Variants in TOPAZ1 observed in about 807,000 individuals in gnomAD.
The protein encoded by TOPAZ1 is testis and ovary specific TOPAZ 1.
TOPAZ1 carries 66 observed loss-of-function variants against 172.2 expected under a neutral mutation model. The observed-to-expected ratio is 0.38, with a 90% CI of 0.31 to 0.47. The LOEUF (loss-of-function observed/expected upper bound fraction) is 0.47, where lower values mean the gene tolerates loss of function less well. Among genes scored for constraint, TOPAZ1 ranks in the 20% least tolerant of loss-of-function variants. TOPAZ1 has a pLI of 0.99. For synonymous variants in TOPAZ1, 681 were observed against 683.9 expected (o/e 1.00, Z 0.07); for missense variants, 1,822 against 1,972.4 (o/e 0.92, Z 1.44).
At chr3:44,316,205 C>T (rs994037785) in intron 16 of TOPAZ1, among the ~76,000 whole-genome samples, 44 of 151,970 alleles carry the variant, frequency 2.9e-4, no homozygotes, top group African/African-American at 9.4e-4. Flanking sequence ...GTGATCATGC[C>T]ACTTCACTCC....
At position 44,287,517 on chromosome 3, in the gene TOPAZ1, C is replaced by T; in HGVS notation, c.3565C>T (p.Leu1189Phe). The T allele has an allele frequency of 6.6e-7, 1 of 1,512,214 alleles. No homozygotes were observed. The highest frequency in any genetic ancestry group is 8.8e-7 in the Non-Finnish European group (1 of 1,130,820). 93.7% of individuals were successfully genotyped at this position (1,512,214 alleles called of 1,614,324 possible). ...LLKEVFQIVN[L>F]SIMVKMLPSL... ...GAAAGAAGTATTTCAGATAGTGAAC[C>T]TCAGCATAATGGTTAAAATGCTGGT... is the stretch of plus-strand genomic sequence containing the variant. Residue 1189 changes from leucine (L) to phenylalanine (F), a missense_variant, in exon 10 of 20, where the codon CTC (leucine) becomes TTC (phenylalanine). By Grantham distance (22) the Leu-to-Phe change is conservative. Around this residue, in one of 2 missense-constraint regions of TOPAZ1, gnomAD observed 1,489 missense variants for 1,490.8 expected, o/e 1.00. Transcript: ENST00000309765.
At chr3:44,247,461 A>AT (rs1699579242) in intron 2 of TOPAZ1, among the ~76,000 whole-genome samples, 1 of 152,204 alleles carries the variant, frequency 6.6e-6, no homozygotes, top group Non-Finnish European at 1.5e-5. Context: ...AGATGAACAT[A>AT]TTTCTACACA....
chr3:44,309,048 A>T (rs1700367666), intron 15 of TOPAZ1, among the ~76,000 whole-genome samples: 1 of 152,230 alleles, frequency 6.6e-6, no homozygotes, highest in South Asian at 2.1e-4. Context: ...AATTTAAAAA[A>T]CAACAATCAA....
chr3:44,258,519 G>C (rs1171361537), intron 4 of TOPAZ1, among the ~76,000 whole-genome samples: 3 of 151,502 alleles, frequency 2.0e-5, no homozygotes, highest in Non-Finnish European at 4.4e-5. Context: ...CTATAATTCA[G>C]TCATTTCAAG....
At chr3:44,290,416 A>G (rs1479767888) in intron 11 of TOPAZ1, among the ~76,000 whole-genome samples, 5 of 152,150 alleles carry the variant, frequency 3.3e-5, no homozygotes, top group East Asian at 3.8e-4. Flanking sequence ...CCATGGCCCT[A>G]TGTGAGGCAC....
rs1336686178 is a variant in TOPAZ1, at chr3:44,262,364, A to G, written c.2956-55A>G. The G allele has an allele frequency of 2.1e-5, 18 of 864,448 alleles. No homozygotes were observed. The East Asian group carries it at 4.3e-4, about 21-fold the overall frequency. The allele number at this position is 864,448 out of a possible 1,614,324, so 53.5% of individuals were successfully genotyped here. A position where few individuals can be genotyped will look rare whatever the true frequency, so the allele number is the denominator to read the frequency against. ...ATAAATCCAGTAAGCCTCATAGCTT[A>G]GTATGTAATACAGAGACCTTCACTT... On this transcript the variant is annotated intron_variant, in intron 4 of 19. Coordinates refer to ENST00000309765, the MANE Select transcript of TOPAZ1 (RefSeq NM_001145030.2).
chr3:44,254,756 C>T (rs371336263), intron 2 of TOPAZ1, among the ~76,000 whole-genome samples: 1 of 151,976 alleles, frequency 6.6e-6, no homozygotes, highest in African/African-American at 2.4e-5. Flanking sequence ...GGCAGCACCC[C>T]CTAACAGTTG....
chr3:44,305,607 G>A (rs1239271099), intron 14 of TOPAZ1, among the ~76,000 whole-genome samples: 1 of 151,682 alleles, frequency 6.6e-6, no homozygotes. Context: ...TGTGCTCAAG[G>A]GATCCTCCCA....
chr3:44,270,942 G>T, intron 8 of TOPAZ1, 132 bp downstream of exon 8: 2 of 761,612 alleles, frequency 2.6e-6, no homozygotes, highest in African/African-American at 1.8e-5. Context: ...TTATATAAAT[G>T]GAATCATATG....
intron 4 of TOPAZ1, among the ~76,000 whole-genome samples, chr3:44,257,401 GTGTGTGTCTATTTTA>G (rs1159324912): frequency 5.1e-5 from 4 of 77,888 alleles, no homozygotes; most frequent in South Asian, 9.3e-4. Context: ...GTGTGTGTGT[GTGTGTGTCTATTTTA>G]TATATTTTAT....
intron 5 of TOPAZ1, among the ~76,000 whole-genome samples, chr3:44,264,201 T>C (rs952196232): frequency 3.9e-5 from 6 of 152,136 alleles, no homozygotes; most frequent in Non-Finnish European, 7.3e-5. Flanking sequence ...ACTTAAGAAG[T>C]GCTGGTTTTC....
In TOPAZ1 at chr3:44,323,161, G is replaced by A; in HGVS notation, c.4541G>A (p.Ser1514Asn). The change falls in exon 18 of 20, where the codon AGT (serine) becomes AAT (asparagine). Residue 1514 changes from serine (S) to asparagine (N), a missense_variant. By Grantham distance (46) the Ser-to-Asn change is conservative. Around this residue, in one of 2 missense-constraint regions of TOPAZ1, gnomAD observed 333 missense variants for 481.7 expected, o/e 0.69. Coordinates refer to ENST00000309765, the MANE Select transcript of TOPAZ1 (RefSeq NM_001145030.2). The stretch of plus-strand genomic sequence containing the variant: ...CTAGGTTCCTGTATAGAAAGCAGTA[G>A]TCTTGGTATGTCATCCTCTGTGGCA... ...KLLGSCIESS[S>N]LGMSSSVAEF... 1 of 1,550,256 alleles carries A rather than the reference G, an allele frequency of 6.5e-7. No individual in the cohort carries two copies. The highest frequency in any genetic ancestry group is 8.7e-7 in the Non-Finnish European group (1 of 1,145,996).
chr3:44,310,063 T>A, intron 16 of TOPAZ1, 73 bp downstream of exon 16: 2 of 1,324,922 alleles, frequency 1.5e-6, no homozygotes, highest in Non-Finnish European at 2.1e-6. Flanking sequence ...GTAATTACCT[T>A]AAGTTGATAT....
intron 12 of TOPAZ1, among the ~76,000 whole-genome samples, chr3:44,296,847 C>CAAAAAAAAA (rs141080618): frequency 2.1e-4 from 22 of 104,742 alleles, no homozygotes; most frequent in East Asian, 2.6e-4. Context: ...CAGAGAATAC[C>CAAAAAAAAA]AAAAAAAAAA....
At chr3:44,300,198 C>A (rs1486765165) in intron 12 of TOPAZ1, among the ~76,000 whole-genome samples, 1 of 151,728 alleles carries the variant, frequency 6.6e-6, no homozygotes, top group East Asian at 1.9e-4. Context: ...TTTGGGAGGC[C>A]GAGGTGGGCA....
At position 44,256,252 on chromosome 3, in the gene TOPAZ1, A is replaced by G. The variant is rs541531508; in HGVS notation, c.2929A>G (p.Ile977Val). Residue 977 changes from isoleucine (I) to valine (V), a missense_variant, in exon 4 of 20, where the codon ATA (isoleucine) becomes GTA (valine). This residue lies in a region of TOPAZ1 where 1,489 missense variants were observed against 1,490.8 expected (regional missense o/e 1.00). Coordinates refer to ENST00000309765, the MANE Select transcript of TOPAZ1 (RefSeq NM_001145030.2). ...NETLGDFSEQ[I>V]KGSDLDEKHR... Reference sequence around the variant, plus strand: ...AACACTGGGAGACTTCAGTGAACAAATAAAAGGTTCAGACTTGGATGAAAA... The same window carrying G: ...AACACTGGGAGACTTCAGTGAACAAGTAAAAGGTTCAGACTTGGATGAAAA... 6 of 1,529,768 alleles carry G rather than the reference A, an allele frequency of 3.9e-6. No individual in the cohort carries two copies. The East Asian group carries it at 1.5e-4, about 39-fold the overall frequency. The allele number at this position is 1,529,768 out of a possible 1,614,324, so 94.8% of individuals were successfully genotyped here.
At chr3:44,323,825 G>A (rs1700567974) in intron 18 of TOPAZ1, among the ~76,000 whole-genome samples, 1 of 152,134 alleles carries the variant, frequency 6.6e-6, no homozygotes. Flanking sequence ...TAACAAATAA[G>A]CCTGGAAAAC....
Position 44,243,954 on chromosome 3 carries a change from A to G in TOPAZ1, c.1448A>G (p.Gln483Arg), listed in dbSNP as rs17076541. ...TCTGAAGAATTGAAGTTAAGCTGTC[A>G]GAGAACAATACCTATGACTGGTAAA... is the stretch of plus-strand genomic sequence containing the variant. ...SASEELKLSCQRTIPMTGKRT... is the reference protein window; with the variant it reads ...SASEELKLSCRRTIPMTGKRT... The change falls in exon 2 of 20, where the codon CAG (glutamine) becomes CGG (arginine). Residue 483 changes from glutamine to arginine, a missense_variant. Physicochemically the swap from Gln to Arg is conservative, Grantham distance 43 (BLOSUM62 1). Coordinates refer to ENST00000309765, the MANE Select transcript of TOPAZ1 (RefSeq NM_001145030.2). 2,367 of 1,552,312 alleles carry G rather than the reference A, an allele frequency of 1.5e-3. 12 individuals are homozygous for G. In the Middle Eastern group the frequency reaches 0.029, roughly 19 times the overall value.
intron 8 of TOPAZ1, among the ~76,000 whole-genome samples, chr3:44,281,172 C>T (rs1366003417): frequency 2.0e-5 from 3 of 152,178 alleles, no homozygotes; most frequent in African/African-American, 4.8e-5. Flanking sequence ...TGATGAGATT[C>T]TTTCTCTGTA....
Sources: gnomAD v4.1 joint callset for allele counts (sites outside exome capture counted in the v4.1 genomes callset) on GRCh38, gnomAD v4.1.1 for gene constraint, gnomAD v4.1.1 regional missense constraint, MANE v1.5 for transcripts, NCBI Gene and HGNC (gene_info 2026-07-23, HGNC 2026-07-21) for gene names.